ZCWPW2: variants seen among roughly 807,000 people sequenced by gnomAD.
The protein encoded by ZCWPW2 is zinc finger CW-type and PWWP domain containing 2.
In ZCWPW2, 45 loss-of-function variants were observed where a neutral mutation model predicts 46.6. The ratio of observed to expected loss-of-function variants is 0.96; its 90% confidence interval spans 0.76 to 1.24. The LOEUF is 1.24. ZCWPW2 is among the 50% of genes most tolerant of loss of function. The pLI, the probability that ZCWPW2 is intolerant of heterozygous loss-of-function variation, is 0.00. For missense variants in ZCWPW2, 429 were observed against 403.9 expected, an observed-to-expected ratio of 1.06 and a Z score of -0.53; for synonymous variants, 152 against 137.1, an observed-to-expected ratio of 1.11 and a Z score of -0.76.
chr3:28,440,923 A>T (rs1485262575), intron 4 of ZCWPW2, among the ~76,000 whole-genome samples: 1 of 152,090 alleles, frequency 6.6e-6, no homozygotes, highest in African/African-American at 2.4e-5. Context: ...CTGGCTGATC[A>T]CCCCAAGGAA....
intron 3 of ZCWPW2, chr3:28,428,531 C>A (rs192479694): frequency 6.6e-6 from 1 of 152,100 alleles, no homozygotes; most frequent in South Asian, 2.1e-4. Flanking sequence ...TCCTAGAATC[C>A]GAATTTTTAT....
intron 1 of ZCWPW2, among the ~76,000 whole-genome samples, chr3:28,349,905 T>G (rs1018955716): frequency 2.6e-5 from 4 of 152,172 alleles, no homozygotes; most frequent in Non-Finnish European, 5.9e-5. Context: ...GAAAATTCGT[T>G]TTTATTGTTG....
At chr3:28,381,172 A>T (rs1695092519) in intron 1 of ZCWPW2, among the ~76,000 whole-genome samples, 1 of 148,606 alleles carries the variant, frequency 6.7e-6, no homozygotes, top group Non-Finnish European at 1.5e-5. Flanking sequence ...TAGAAAATAA[A>T]ATTCCTTACT....
At chr3:28,472,914 G>GGC (rs1312953419) in intron 4 of ZCWPW2, among the ~76,000 whole-genome samples, 2 of 151,718 alleles carry the variant, frequency 1.3e-5, no homozygotes, top group African/African-American at 2.4e-5. Context: ...TAAAAAAATG[G>GGC]GCAAACGATT....
At chr3:28,353,957 T>G (rs775195866) in intron 1 of ZCWPW2, among the ~76,000 whole-genome samples, 1 of 152,226 alleles carries the variant, frequency 6.6e-6, no homozygotes, top group Non-Finnish European at 1.5e-5. Flanking sequence ...TTATACTCTT[T>G]TGCTAATTGA....
At chr3:28,462,512 G>C (rs1698678156) in intron 4 of ZCWPW2, among the ~76,000 whole-genome samples, 1 of 152,128 alleles carries the variant, frequency 6.6e-6, no homozygotes, top group Non-Finnish European at 1.5e-5. Context: ...GTAAAAGGTG[G>C]CCCCAAAATG....
chr3:28,379,594 C>G (rs1458005634), intron 1 of ZCWPW2, among the ~76,000 whole-genome samples: 1 of 152,094 alleles, frequency 6.6e-6, no homozygotes, highest in Non-Finnish European at 1.5e-5. Context: ...GAAAATACCT[C>G]TCTGTTCTAT....
intron 3 of ZCWPW2, among the ~76,000 whole-genome samples, chr3:28,425,504 A>G (rs1041196963): frequency 6.6e-6 from 1 of 152,188 alleles, no homozygotes; most frequent in Admixed American, 6.5e-5. Flanking sequence ...CCTCAGAGAT[A>G]CCTAGTGGTG....
At chr3:28,491,544 T>C (rs1699812086) in intron 5 of ZCWPW2, among the ~76,000 whole-genome samples, 1 of 152,078 alleles carries the variant, frequency 6.6e-6, no homozygotes, top group Admixed American at 6.6e-5. Flanking sequence ...GAGGCACTGT[T>C]GGCAGCTCAG....
intron 4 of ZCWPW2, among the ~76,000 whole-genome samples, chr3:28,466,585 G>A (rs992324697): frequency 3.3e-5 from 5 of 152,112 alleles, no homozygotes; most frequent in Non-Finnish European, 7.3e-5. Flanking sequence ...GATCACCTAA[G>A]GTCAGAAGTT....
At chr3:28,462,957 T>G (rs1698696220) in intron 4 of ZCWPW2, among the ~76,000 whole-genome samples, 1 of 152,162 alleles carries the variant, frequency 6.6e-6, no homozygotes, top group Non-Finnish European at 1.5e-5. Flanking sequence ...AATACCTGAT[T>G]AAAACAAGAT....
At chr3:28,493,475 G>A (rs955196113) in intron 6 of ZCWPW2, among the ~76,000 whole-genome samples, 1 of 117,702 alleles carries the variant, frequency 8.5e-6, no homozygotes. Flanking sequence ...CAAAGGACAT[G>A]AACTCATCAT....
At chr3:28,390,838 C>T (rs1171042547) in intron 2 of ZCWPW2, among the ~76,000 whole-genome samples, 1 of 152,156 alleles carries the variant, frequency 6.6e-6, no homozygotes, top group South Asian at 2.1e-4. Context: ...AATCTTCTTA[C>T]ACTTTCTGAC....
chr3:28,423,657 C>T (rs544218477), intron 3 of ZCWPW2, among the ~76,000 whole-genome samples: 5 of 152,018 alleles, frequency 3.3e-5, no homozygotes, highest in African/African-American at 4.8e-5. Context: ...TGAGCCACTG[C>T]GCCCGGCCCC....
chr3:28,456,059 A>G (rs1054824030), intron 4 of ZCWPW2, among the ~76,000 whole-genome samples: 3 of 152,172 alleles, frequency 2.0e-5, no homozygotes, highest in African/African-American at 4.8e-5. Context: ...CATTGAATCT[A>G]TAACTTACTT....
intron 1 of ZCWPW2, among the ~76,000 whole-genome samples, chr3:28,370,313 T>C (rs1245023449): frequency 6.6e-6 from 1 of 152,214 alleles, no homozygotes; most frequent in Non-Finnish European, 1.5e-5. Context: ...CCAAAAAACA[T>C]TCATTGTCGC....
At chr3:28,474,850 G>C (rs188649867) in intron 4 of ZCWPW2, among the ~76,000 whole-genome samples, 5 of 151,828 alleles carry the variant, frequency 3.3e-5, no homozygotes, top group African/African-American at 9.7e-5. Flanking sequence ...GTTTGTTTGA[G>C]ACGGAGTCTC....
At chr3:28,403,461 C>A (rs1359195176) in intron 2 of ZCWPW2, among the ~76,000 whole-genome samples, 1 of 152,060 alleles carries the variant, frequency 6.6e-6, no homozygotes, top group East Asian at 1.9e-4. Flanking sequence ...GTGAAAATGA[C>A]CACACTGCCA....
At chr3:28,468,562 G>A (rs1045799075) in intron 4 of ZCWPW2, among the ~76,000 whole-genome samples, 2 of 152,016 alleles carry the variant, frequency 1.3e-5, no homozygotes, top group South Asian at 4.2e-4. Context: ...GATCCTAAAA[G>A]CAGCAAGAAA....
Sources: allele counts gnomAD v4.1 joint callset (sites outside exome capture counted in the v4.1 genomes callset), GRCh38; gene constraint gnomAD v4.1.1; transcripts MANE v1.5; gene names NCBI Gene and HGNC (gene_info 2026-07-23, HGNC 2026-07-21).